The following JAM2 variants were observed in gnomAD, a reference collection of about 807,000 sequenced individuals.
JAM2 encodes junctional adhesion molecule 2, also known as junctional adhesion molecule B.
In JAM2, 17 loss-of-function variants were observed where a neutral mutation model predicts 42.0. That is an observed-to-expected ratio of 0.40 (90% CI 0.28 to 0.61). JAM2 has a LOEUF of 0.61. JAM2 is among the 20% of genes least tolerant of loss of function. The pLI, the probability that JAM2 is intolerant of heterozygous loss-of-function variation, is 0.37. For missense variants in JAM2, 319 were observed against 358.3 expected, an observed-to-expected ratio of 0.89 and a Z score of 0.89; for synonymous variants, 118 against 128.6, an observed-to-expected ratio of 0.92 and a Z score of 0.56.
chr21:25,662,888 A>G (rs953472598), intron 1 of JAM2, among the ~76,000 whole-genome samples: 1 of 152,232 alleles, frequency 6.6e-6, no homozygotes, highest in Admixed American at 6.5e-5. Context: ...AAATAGTTCC[A>G]ACATCATGCT....
chr21:25,704,634 T>C (rs1237187756), intron 6 of JAM2, among the ~76,000 whole-genome samples: 4 of 152,248 alleles, frequency 2.6e-5, no homozygotes, highest in African/African-American at 4.8e-5. Context: ...CTTTGAAGAA[T>C]TGCTCCTTTA....
intron 1 of JAM2, among the ~76,000 whole-genome samples, chr21:25,652,289 G>A (rs1408534891): frequency 6.6e-6 from 1 of 152,186 alleles, no homozygotes; most frequent in Non-Finnish European, 1.5e-5. Flanking sequence ...CTACTCACGA[G>A]GCTGAGGTGG....
intron 6 of JAM2, among the ~76,000 whole-genome samples, chr21:25,704,576 G>T (rs986174447): frequency 5.9e-5 from 9 of 152,138 alleles, no homozygotes; most frequent in African/African-American, 2.2e-4. Flanking sequence ...TTTTCTCTAG[G>T]TTATTTAATC....
chr21:25,673,620 G>T (rs1222072777), intron 1 of JAM2, among the ~76,000 whole-genome samples: 1 of 152,184 alleles, frequency 6.6e-6, no homozygotes, highest in Admixed American at 6.5e-5. Context: ...GTGTCTGGCG[G>T]TCTTATGTCT....
rs971459971 is a variant in JAM2, at chr21:25,639,656, C to T, written c.-166C>T. On this transcript the variant is annotated 5_prime_UTR_variant, in exon 1 of 10. Coordinates refer to ENST00000480456, the MANE Select transcript of JAM2 (RefSeq NM_021219.4). ...TTGGCAGCCAGCTGAGAAGGCGCCC[C>T]GGGGAGGGGGAAACTGACATCCCAT... 1.1e-5 allele frequency: 6 copies of T among 538,448 alleles called. No individual in the cohort carries two copies. The highest frequency in any genetic ancestry group is 9.6e-5 in the South Asian group (4 of 41,622). The allele number at this position is 538,448 out of a possible 1,614,324, so 33.4% of individuals were successfully genotyped here.
intron 1 of JAM2, among the ~76,000 whole-genome samples, 178 bp downstream of exon 1, chr21:25,640,066 G>A (rs981504689): frequency 3.9e-5 from 6 of 152,230 alleles, no homozygotes; most frequent in African/African-American, 1.4e-4. Context: ...CGGACGCTGG[G>A]AGCAAGGGAG....
intron 8 of JAM2, among the ~76,000 whole-genome samples, chr21:25,710,516 A>G (rs2123419101): frequency 6.6e-6 from 1 of 152,332 alleles, no homozygotes. Flanking sequence ...TCACTAAGTG[A>G]TTTTTGAGAA....
Position 25,683,925 on chromosome 21 carries a change from T to A in JAM2, c.110T>A (p.Val37Glu), listed in dbSNP as rs1390196570. Residue 37 changes from valine to glutamate, a missense_variant, in exon 2 of 10, where the codon GTA becomes GAA. Coordinates refer to ENST00000480456, the MANE Select transcript of JAM2 (RefSeq NM_021219.4). Reference protein sequence around the residue: ...YGFSAPKDQQVVTAVEYQEAI... With the variant: ...YGFSAPKDQQEVTAVEYQEAI... ...TTTTCTGCCCCAAAAGACCAACAAG[T>A]AGTCACAGCAGTAGAGTACCAAGGT... The A allele has an allele frequency of 6.2e-7, 1 of 1,608,730 alleles. No individual in the cohort carries two copies. Among genetic ancestry groups the A allele is most frequent in the East Asian group, 2.2e-5 (1 of 44,802 alleles).
intron 1 of JAM2, among the ~76,000 whole-genome samples, chr21:25,666,914 A>G (rs2033238090): frequency 6.6e-6 from 1 of 152,212 alleles, no homozygotes; most frequent in African/African-American, 2.4e-5. Flanking sequence ...CATCAAATAT[A>G]TTCATGTAAT....
In JAM2 at chr21:25,655,350, A is replaced by ATTTTTT. The variant is rs751257378; in HGVS notation, c.67+15478_67+15483dup. 6.2e-3 allele frequency among the ~76,000 whole-genome samples: 617 copies of ATTTTTT among 99,530 alleles called. 5 individuals carry two copies. The highest frequency in any genetic ancestry group is 0.011 in the East Asian group (38 of 3,458). 65.3% of individuals were successfully genotyped at this position (99,530 alleles called of 152,430 possible). ...AACATGATAAATATACTGAAATTCT[A>ATTTTTT]TTTTTTTTTTTTTTTTTTTTTGTCC... On this transcript the variant is annotated intron_variant, in intron 1 of 9. Coordinates refer to ENST00000480456, the MANE Select transcript of JAM2 (RefSeq NM_021219.4).
At chr21:25,678,501 A>T (rs539143817) in intron 1 of JAM2, among the ~76,000 whole-genome samples, 11 of 152,356 alleles carry the variant, frequency 7.2e-5, no homozygotes, top group Admixed American at 2.0e-4. Flanking sequence ...AAGGATATTT[A>T]AAAAGATTGC....
At chr21:25,705,914 A>G in intron 6 of JAM2, 65 bp from the exon 7 acceptor site, 2 of 1,126,606 alleles carry the variant, frequency 1.8e-6, no homozygotes, top group Middle Eastern at 2.0e-4. Flanking sequence ...AACCTTTTCA[A>G]TTTAATGACT....
At chr21:25,687,463 TG>T (rs2033774611) in intron 2 of JAM2, among the ~76,000 whole-genome samples, 1 of 152,228 alleles carries the variant, frequency 6.6e-6, no homozygotes, top group Non-Finnish European at 1.5e-5. Context: ...AAAATTATGC[TG>T]GCATAAGTAC....
intron 1 of JAM2, among the ~76,000 whole-genome samples, chr21:25,654,280 G>A (rs1295204936): frequency 6.6e-6 from 1 of 152,178 alleles, no homozygotes; most frequent in African/African-American, 2.4e-5. Context: ...TAGACAAAAT[G>A]TTGATTGGAG....
chr21:25,685,154 TG>T (rs1224705742), intron 2 of JAM2, among the ~76,000 whole-genome samples: 2 of 151,214 alleles, frequency 1.3e-5, no homozygotes, highest in South Asian at 4.2e-4. Flanking sequence ...AGGCCTGGAG[TG>T]GGGGGAATTA....
intron 7 of JAM2, among the ~76,000 whole-genome samples, chr21:25,706,325 G>C (rs1347540105): frequency 1.3e-5 from 2 of 152,078 alleles, no homozygotes; most frequent in Non-Finnish European, 2.9e-5. Context: ...GGGATTGCAA[G>C]TGTGCACCAA....
intron 7 of JAM2, among the ~76,000 whole-genome samples, chr21:25,707,114 TAAATAA>T (rs1162758718): frequency 6.6e-6 from 1 of 152,172 alleles, no homozygotes; most frequent in African/African-American, 2.4e-5. Flanking sequence ...TTCATTGAAA[TAAATAA>T]GTGAAATATT....
intron 1 of JAM2, among the ~76,000 whole-genome samples, chr21:25,682,171 T>C (rs1317834046): frequency 6.6e-6 from 1 of 152,234 alleles, no homozygotes; most frequent in Non-Finnish European, 1.5e-5. Context: ...TCAGAGACTA[T>C]AACAGGCGAC....
intron 1 of JAM2, among the ~76,000 whole-genome samples, chr21:25,675,726 T>C (rs1009419341): frequency 2.0e-5 from 3 of 151,854 alleles, no homozygotes; most frequent in Non-Finnish European, 4.4e-5. Context: ...TCCAAGGGGA[T>C]TGTGTTAAGC....
Sources: allele counts gnomAD v4.1 joint callset (sites outside exome capture counted in the v4.1 genomes callset), GRCh38; gene constraint gnomAD v4.1.1; transcripts MANE v1.5; gene names NCBI Gene and HGNC (gene_info 2026-07-23, HGNC 2026-07-21).